ARHGEF10: variants seen among roughly 807,000 people sequenced by gnomAD.
ARHGEF10 encodes the protein Rho guanine nucleotide exchange factor (GEF) 10.
In ARHGEF10, 140 loss-of-function variants were observed where a neutral mutation model predicts 147.4. The ratio of observed to expected loss-of-function variants is 0.95; its 90% confidence interval spans 0.83 to 1.09. The LOEUF (loss-of-function observed/expected upper bound fraction) is 1.09, where lower values mean the gene tolerates loss of function less well. Ranked by LOEUF, ARHGEF10 falls within the 50% of genes least tolerant of loss-of-function variation. ARHGEF10 has a pLI of 0.00. For missense variants in ARHGEF10, 2,222 were observed against 1,752.7 expected (o/e 1.27, Z -4.78); for synonymous variants, 902 against 695.8 (o/e 1.30, Z -4.67).
chr8:1,829,359 G>A lies in ARHGEF10; in HGVS notation c.-48+5246G>A, dbSNP rs1330460889. Among the ~76,000 whole-genome samples, 47 of 152,272 alleles carry A rather than the reference G, an allele frequency of 3.1e-4. 1 individual carries two copies. The highest frequency in any genetic ancestry group is 3.1e-3 in the Admixed American group (47 of 15,290). ...GTCAGCGGCATGGAACCAGTGGGAC[G>A]TGGTAAGGCCAGGCCTGTGGGCGGT... On this transcript the variant is annotated intron_variant, in intron 1 of 28. Transcript: ENST00000349830.
intron 1 of ARHGEF10, chr8:1,826,268 A>G (rs1426751564): frequency 1.2e-6 from 1 of 829,684 alleles, no homozygotes; most frequent in African/African-American, 1.7e-5. Context: ...TTCCAGATGT[A>G]ACCACATTTG....
At chr8:1,843,463 T>A (rs755620997) in intron 2 of ARHGEF10, 27 bp downstream of exon 2, 3 of 1,568,726 alleles carry the variant, frequency 1.9e-6, no homozygotes, top group East Asian at 2.2e-5. Flanking sequence ...GGTGGGCCTG[T>A]GGGTCAGGTT....
intron 17 of ARHGEF10, among the ~76,000 whole-genome samples, chr8:1,907,567 G>T (rs1454115622): frequency 6.6e-6 from 1 of 152,214 alleles, no homozygotes; most frequent in Non-Finnish European, 1.5e-5. Context: ...GGAGCGCCAG[G>T]ACACACTTGA....
At chr8:1,939,357 CAG>C (rs978197519) in intron 26 of ARHGEF10, among the ~76,000 whole-genome samples, 32 of 152,356 alleles carry the variant, frequency 2.1e-4, no homozygotes, top group African/African-American at 7.5e-4. Flanking sequence ...TGTGCAAAAA[CAG>C]AGCAACCACA....
At chr8:1,850,789 A>G (rs1479605040) in intron 2 of ARHGEF10, among the ~76,000 whole-genome samples, 1 of 152,164 alleles carries the variant, frequency 6.6e-6, no homozygotes, top group African/African-American at 2.4e-5. Context: ...CAGAACCCAG[A>G]AGCAGCCATG....
Position 1,872,203 on chromosome 8 carries a change from A to T in ARHGEF10, c.679+2953A>T, listed in dbSNP as rs12155817. On this transcript the variant is annotated intron_variant, in intron 7 of 28. Transcript: ENST00000349830. The stretch of plus-strand genomic sequence containing the variant: ...TAGATGAAATTAAAAATTGCCTTGA[A>T]GAATCAACTATACCCAAAATAAAAA... Among the ~76,000 whole-genome samples the T allele has an allele frequency of 2.0e-4, 30 of 152,096 alleles. No individual in the cohort carries two copies. In the East Asian group the frequency reaches 4.5e-3, roughly 23 times the overall value.
chr8:1,934,128 A>G (rs1212227632), intron 26 of ARHGEF10, among the ~76,000 whole-genome samples, 186 bp downstream of exon 26: 1 of 152,200 alleles, frequency 6.6e-6, no homozygotes. Flanking sequence ...TGAGCTCAGG[A>G]GTTCCAGATC....
intron 15 of ARHGEF10, among the ~76,000 whole-genome samples, chr8:1,901,341 G>C (rs1478148276): frequency 1.3e-5 from 2 of 152,142 alleles, no homozygotes; most frequent in South Asian, 4.1e-4. Flanking sequence ...CTCCGGTCTT[G>C]CCTGCGTTCT....
At chr8:1,894,175 A>G (rs1184937696) in intron 12 of ARHGEF10, among the ~76,000 whole-genome samples, 1 of 151,062 alleles carries the variant, frequency 6.6e-6, no homozygotes, top group Non-Finnish European at 1.5e-5. Flanking sequence ...CTGTCTCAAA[A>G]AAAAAAAAAA....
At chr8:1,890,658 A>G (rs12115062) in intron 11 of ARHGEF10, among the ~76,000 whole-genome samples, 1,308 of 130,654 alleles carry the variant, frequency 0.01, 18 homozygotes, top group African/African-American at 0.039. Flanking sequence ...AGGAGACACT[A>G]AGTGGGGTGT....
chr8:1,832,869 C>T (rs1377994337), intron 1 of ARHGEF10, among the ~76,000 whole-genome samples: 9 of 72,980 alleles, frequency 1.2e-4, no homozygotes, highest in African/African-American at 5.8e-4. Flanking sequence ...GAGGCAGAGG[C>T]AGAGACAGAG....
Position 1,925,398 on chromosome 8 carries a change from G to A in ARHGEF10, c.2604G>A (p.Glu868=), listed in dbSNP as rs755810650. The change falls in exon 22 of 29, where the codon GAG becomes GAA. Residue 868 remains glutamate (E), a synonymous_variant. Coordinates refer to ENST00000349830, the MANE Select transcript of ARHGEF10 (RefSeq NM_014629.4). ...CCGTGATGGTGGCCAAGCAGCAGGA[G>A]TTCAAGGTGAAGGGAGGCAGGGCCC... The part of the protein sequence containing the change: ...HMPVMVAKQQ[E]FKIECAAYNP... 1.2e-6 allele frequency: 2 copies of A among 1,613,970 alleles called. No homozygotes were observed. The highest frequency in any genetic ancestry group is 1.3e-5 in the African/African-American group (1 of 74,920).
At chr8:1,864,325 C>T in intron 4 of ARHGEF10, 48 bp from the exon 5 acceptor site, 1 of 1,580,092 alleles carries the variant, frequency 6.3e-7, no homozygotes, top group Non-Finnish European at 8.7e-7. Flanking sequence ...ACTTCATGAG[C>T]ATTTTTGTCA....
intron 26 of ARHGEF10, among the ~76,000 whole-genome samples, chr8:1,935,782 G>A (rs1428821563): frequency 6.6e-6 from 1 of 152,254 alleles, no homozygotes; most frequent in South Asian, 2.1e-4. Flanking sequence ...AGGAGCTGGG[G>A]AAATGAGGGC....
chr8:1,932,412 C>T (rs370364825), intron 25 of ARHGEF10, among the ~76,000 whole-genome samples: 12 of 151,948 alleles, frequency 7.9e-5, no homozygotes, highest in East Asian at 3.9e-4. Context: ...GTGCATGTGA[C>T]GGCAGGTGCA....
chr8:1,869,303 C>T, intron 7 of ARHGEF10, 53 bp downstream of exon 7: 1 of 1,478,176 alleles, frequency 6.8e-7, no homozygotes, highest in Non-Finnish European at 9.5e-7. Context: ...CAGCCTTTCC[C>T]TCTGGATGCC....
In ARHGEF10 at chr8:1,945,629, C is replaced by A; in HGVS notation, c.3371C>A (p.Ala1124Asp). 6.2e-7 allele frequency: 1 copy of A among 1,614,230 alleles called. No homozygotes were observed. The highest frequency in any genetic ancestry group is 1.3e-5 in the African/African-American group (1 of 75,070). The change falls in exon 27 of 29, where the codon GCC (alanine) becomes GAC (aspartate). Residue 1124 changes from alanine (A) to aspartate (D), a missense_variant. Transcript: ENST00000349830. ...AAGCACCTGCAGGACATCAACATCG[C>A]CACCCCTGTTCACAACATGCTGCCA... The part of the protein sequence containing the change: ...TLKHLQDINI[A>D]TPVHNMLPGH...
chr8:1,823,460 G>A (rs1212449098), upstream of ARHGEF10, among the ~76,000 whole-genome samples: 1 of 151,960 alleles, frequency 6.6e-6, no homozygotes, highest in Non-Finnish European at 1.5e-5. Flanking sequence ...GGGGGGGGGA[G>A]CGTCTGCCCG....
intron 18 of ARHGEF10, among the ~76,000 whole-genome samples, chr8:1,910,620 A>C (rs6558564): frequency 1.3e-5 from 2 of 152,050 alleles, no homozygotes; most frequent in East Asian, 3.9e-4. Flanking sequence ...GGAGGAGCCG[A>C]GGGAGAGGGG....
Sources: gnomAD v4.1 joint callset for allele counts (sites outside exome capture counted in the v4.1 genomes callset) on GRCh38, gnomAD v4.1.1 for gene constraint, MANE v1.5 for transcripts, NCBI Gene and HGNC (gene_info 2026-07-23, HGNC 2026-07-21) for gene names.